Variants in PTPN22 observed in about 807,000 individuals in gnomAD.
PTPN22 encodes protein tyrosine phosphatase non-receptor type 22, also known as tyrosine-protein phosphatase non-receptor type 22.
A neutral mutation model predicts 103.3 loss-of-function variants in PTPN22; 85 were observed. The ratio of observed to expected loss-of-function variants is 0.82; its 90% CI spans 0.69 to 0.99. The LOEUF (loss-of-function observed/expected upper bound fraction) is 0.99. PTPN22 is among the 50% of genes least tolerant of loss of function. The pLI is 0.00. For synonymous variants in PTPN22, 323 were observed against 310.2 expected (o/e 1.04, Z -0.43); for missense variants, 865 against 936.9 (o/e 0.92, Z 1.00).
At chr1:113,825,244 A>C in intron 18 of PTPN22, 72 bp from the exon 19 acceptor site, 1 of 954,392 alleles carries the variant, frequency 1.0e-6, no homozygotes, top group Non-Finnish European at 1.6e-6. Context: ...ATAGAAATAT[A>C]GACTTAAGTG....
At chr1:113,856,850 T>C (rs1665128367) in intron 5 of PTPN22, 2 of 511,336 alleles carry the variant, frequency 3.9e-6, no homozygotes, top group South Asian at 2.7e-5. Flanking sequence ...AATAGAAATC[T>C]TTGACCTATT....
exon 15 of PTPN22, chr1:113,834,362 C>T (rs1265437191): frequency 1.9e-6 from 3 of 1,613,732 alleles, no homozygotes; most frequent in Non-Finnish European, 2.5e-6. Flanking sequence ...TCAGATGTTC[C>T]ACCCCATTCC....
rs753159915 is a variant in PTPN22 at position 113,855,069 on chromosome 1, G to A, written c.541-20C>T. 2 of 1,596,934 alleles carry A rather than the reference G, an allele frequency of 1.3e-6. No homozygotes were observed. The highest frequency in any genetic ancestry group is 1.7e-6 in the Non-Finnish European group (2 of 1,165,298). ...AGTTTCCTATAAAAAGTAGCCAGATGGGAGGGGAAGAGGGGCAAGGGCTGA... is the reference window on the plus strand; with the variant it reads ...AGTTTCCTATAAAAAGTAGCCAGATAGGAGGGGAAGAGGGGCAAGGGCTGA... On this transcript the variant is annotated intron_variant, in intron 7 of 20. Transcript: ENST00000359785.
chr1:113,835,581 T>C (rs1662931862), intron 13 of PTPN22, among the ~76,000 whole-genome samples: 1 of 152,168 alleles, frequency 6.6e-6, no homozygotes, highest in East Asian at 1.9e-4. Context: ...TCACGGTGTA[T>C]CAGTTAACAT....
chr1:113,836,931 A>G (rs576690617), intron 13 of PTPN22, among the ~76,000 whole-genome samples: 19 of 152,194 alleles, frequency 1.2e-4, no homozygotes, highest in Admixed American at 7.2e-4. Context: ...GTTTCAAAAA[A>G]TATTTTTAAA....
chr1:113,837,736 T>C (rs1663145408), exon 13 of PTPN22: 2 of 1,613,150 alleles, frequency 1.2e-6, no homozygotes, highest in East Asian at 4.5e-5. Flanking sequence ...ATCTTGCTTC[T>C]CAGGTAAATC....
At chr1:113,865,007 T>C (rs537311050) in intron 1 of PTPN22, among the ~76,000 whole-genome samples, 1 of 152,082 alleles carries the variant, frequency 6.6e-6, no homozygotes, top group South Asian at 2.1e-4. Context: ...CAAGGCCCTA[T>C]GGCAGAGGAA....
At chr1:113,864,095 G>A (rs1445195694) in intron 1 of PTPN22, 2 of 353,346 alleles carry the variant, frequency 5.7e-6, no homozygotes, top group African/African-American at 4.5e-5. Context: ...TGGGCAAAAA[G>A]AGCAAAACTC....
chr1:113,868,751 C>T (rs1350047059), intron 1 of PTPN22, among the ~76,000 whole-genome samples: 1 of 151,822 alleles, frequency 6.6e-6, no homozygotes, highest in East Asian at 1.9e-4. Flanking sequence ...GTGTAGGGGA[C>T]CTGATGGGGC....
intron 5 of PTPN22, 163 bp from the exon 6 acceptor site, chr1:113,856,782 A>G: frequency 1.3e-6 from 1 of 795,336 alleles, no homozygotes. Context: ...CAAAGATGGG[A>G]AAACAAACAT....
intron 18 of PTPN22, among the ~76,000 whole-genome samples, chr1:113,825,558 T>C (rs1661974057): frequency 6.6e-6 from 1 of 152,006 alleles, no homozygotes. Flanking sequence ...AAATATTAGC[T>C]GAATGTGGTA....
At chr1:113,827,838 AAAG>A (rs1167175354) in intron 18 of PTPN22, among the ~76,000 whole-genome samples, 1 of 152,166 alleles carries the variant, frequency 6.6e-6, no homozygotes, top group African/African-American at 2.4e-5. Context: ...AAAATTGTAA[AAAG>A]AAGTTGTACC....
At chr1:113,828,313 G>C (rs1662262929) in intron 18 of PTPN22, among the ~76,000 whole-genome samples, 1 of 151,948 alleles carries the variant, frequency 6.6e-6, no homozygotes, top group Non-Finnish European at 1.5e-5. Flanking sequence ...AAGTTATAAA[G>C]GTCATTCACA....
chr1:113,825,196 AG>A (rs1156965134), intron 18 of PTPN22, 24 bp from the exon 19 acceptor site: 1 of 1,419,368 alleles, frequency 7.0e-7, no homozygotes, highest in Non-Finnish European at 9.7e-7. Context: ...GAAAAATGTT[AG>A]TTTTTTTTCC....
chr1:113,848,455 G>T, intron 11 of PTPN22, 85 bp downstream of exon 11: 1 of 1,593,168 alleles, frequency 6.3e-7, no homozygotes. Context: ...TGTGACAATA[G>T]ATAAATCCTG....
chr1:113,851,244 G>T (rs746217584), intron 10 of PTPN22, among the ~76,000 whole-genome samples: 1 of 147,890 alleles, frequency 6.8e-6, no homozygotes, highest in African/African-American at 2.5e-5. Context: ...CCTCCACCTC[G>T]CAGGCTCAAG....
intron 9 of PTPN22, 124 bp downstream of exon 9, chr1:113,854,347 G>T: frequency 2.2e-6 from 2 of 906,614 alleles, no homozygotes; most frequent in South Asian, 1.6e-5. Flanking sequence ...GACAGAGTGG[G>T]TCTACAAGTA....
At chr1:113,814,627 AAAAT>A (rs750681531) in exon 21 of PTPN22, 10 of 277,084 alleles carry the variant, frequency 3.6e-5, no homozygotes, top group Non-Finnish European at 5.3e-5. Flanking sequence ...GCAAAAATGA[AAAAT>A]AAATCCATTC....
chr1:113,826,513 A>G (rs571729474), intron 18 of PTPN22, among the ~76,000 whole-genome samples: 58 of 152,070 alleles, frequency 3.8e-4, no homozygotes, highest in Non-Finnish European at 7.5e-4. Flanking sequence ...AGAATCCACA[A>G]TGGCTTCTGA....
Sources: gnomAD v4.1 joint callset for allele counts (sites outside exome capture counted in the v4.1 genomes callset) on GRCh38, gnomAD v4.1.1 for gene constraint, MANE v1.5 for transcripts, NCBI Gene and HGNC (gene_info 2026-07-23, HGNC 2026-07-21) for gene names.